The following BTN3A1 variants were observed in gnomAD, a reference collection of about 807,000 sequenced individuals.
BTN3A1 encodes butyrophilin subfamily 3 member A1.
BTN3A1 carries 24 observed loss-of-function variants against 43.0 expected under a neutral mutation model. The observed-to-expected ratio is 0.56, with a 90% CI of 0.40 to 0.78. The LOEUF (loss-of-function observed/expected upper bound fraction) is 0.78. BTN3A1 is among the 30% of genes least tolerant of loss of function. BTN3A1 has a pLI of 0.00. For synonymous variants in BTN3A1, 181 were observed against 234.7 expected (o/e 0.77, Z 2.09); for missense variants, 533 against 626.2 (o/e 0.85, Z 1.59).
At position 26,413,274 on chromosome 6, in the gene BTN3A1, C is replaced by G; in HGVS notation, c.1124C>G (p.Pro375Arg). The G allele has an allele frequency of 6.2e-7, 1 of 1,614,132 alleles. No individual in the cohort carries two copies. ...GAGCCCCAGGATCTGCCAGACAACC[C>G]TGAGAGATTTAATTGGCATTATTGT... The part of the protein sequence containing the change: ...AKEPQDLPDN[P>R]ERFNWHYCVL... Residue 375 changes from proline (P) to arginine (R), a missense_variant, in exon 10 of 10, where the codon CCT becomes CGT. Pro to Arg is a moderately radical substitution (Grantham distance 103). Transcript: ENST00000289361.
intron 9 of BTN3A1, chr6:26,412,809 T>C (rs1179502285): frequency 1.3e-6 from 2 of 1,550,138 alleles, no homozygotes; most frequent in Admixed American, 2.0e-5. Context: ...AGTGGTCGAA[T>C]GAAGGTTGAA....
chr6:26,413,516 C>T lies in BTN3A1; in HGVS notation c.1366C>T (p.Pro456Ser), dbSNP rs4712990. ...CAGAACCAACCTGAAACTTCCTAAG[C>T]CCCCTAAGAAAGTGGGGGTCTTCCT... The part of the protein sequence containing the change: ...EPRTNLKLPK[P>S]PKKVGVFLDY... The change falls in exon 10 of 10, where the codon CCC becomes TCC. Residue 456 changes from proline (P) to serine (S), a missense_variant. By Grantham distance (74) the Pro-to-Ser change is moderately conservative (BLOSUM62 -1). Around this residue, in one of 4 missense-constraint regions of BTN3A1, gnomAD observed 415 missense variants for 427.0 expected, o/e 0.97. Transcript: ENST00000289361. The T allele has an allele frequency of 1.3e-5, 21 of 1,613,774 alleles. No homozygotes were observed. In the African/African-American group the frequency reaches 1.7e-4, roughly 13 times the overall value.
chr6:26,406,959 A>C (rs924727885), intron 3 of BTN3A1, among the ~76,000 whole-genome samples: 2 of 152,172 alleles, frequency 1.3e-5, no homozygotes, highest in Admixed American at 6.5e-5. Context: ...GGTGAGACTA[A>C]AGCTGTAATT....
chr6:26,404,521 G>A (rs188429032), intron 1 of BTN3A1: 1 of 152,258 alleles, frequency 6.6e-6, no homozygotes. Flanking sequence ...TGATCACTTA[G>A]TGTGTCTCCG....
In BTN3A1 at chr6:26,407,808, G is replaced by C; in HGVS notation, c.571G>C (p.Glu191Gln). 1 of 1,614,218 alleles carries C rather than the reference G, an allele frequency of 6.2e-7. No homozygotes were observed. Among genetic ancestry groups the C allele is most frequent in the Non-Finnish European group, 8.5e-7 (1 of 1,180,042 alleles). The change falls in exon 4 of 10, where the codon GAA becomes CAA. Residue 191 changes from glutamate (E) to glutamine (Q), a missense_variant. This residue lies in a region of BTN3A1 where 415 missense variants were observed against 427.0 expected (regional missense o/e 0.97). Transcript: ENST00000289361. ...NNKGENIPTV[E>Q]APVVADGVGL... Reference sequence around the variant, plus strand: ...CAAGGGAGAGAACATCCCGACTGTGGAAGCACCTGTGGTTGCAGACGGAGT... The same window carrying C: ...CAAGGGAGAGAACATCCCGACTGTGCAAGCACCTGTGGTTGCAGACGGAGT...
Position 26,413,889 on chromosome 6 carries a change from C to G in BTN3A1, c.*197C>G. ...ACAACCATAAAGCTACAAGCACGCA[C>G]TGAAGCACTTTACTGATACTCATTC... On this transcript the variant is annotated 3_prime_UTR_variant, in exon 10 of 10. Coordinates refer to ENST00000289361, the MANE Select transcript of BTN3A1 (RefSeq NM_007048.6). 2 of 967,260 alleles carry G rather than the reference C, an allele frequency of 2.1e-6. No individual in the cohort carries two copies. Among genetic ancestry groups the G allele is most frequent in the South Asian group, 3.0e-5 (2 of 66,420 alleles). 59.9% of individuals were successfully genotyped at this position (967,260 alleles called of 1,614,324 possible).
chr6:26,404,024 G>T (rs1761934354), intron 1 of BTN3A1: 2 of 152,208 alleles, frequency 1.3e-5, no homozygotes, highest in Admixed American at 1.3e-4. Flanking sequence ...GTGGTGAAAT[G>T]CATTGTTTAC....
chr6:26,412,431 C>A (rs1316603805), intron 9 of BTN3A1: 12 of 1,312,490 alleles, frequency 9.1e-6, no homozygotes, highest in Admixed American at 2.0e-5. Flanking sequence ...TTGGCCAAAC[C>A]CAACAGCAAA....
At chr6:26,410,918 A>G (rs943354777) in intron 7 of BTN3A1, among the ~76,000 whole-genome samples, 191 bp from the exon 8 acceptor site, 35 of 149,402 alleles carry the variant, frequency 2.3e-4, no homozygotes, top group East Asian at 3.9e-4. Context: ...TGTCACTAGC[A>G]TTCGACTGAT....
intron 8 of BTN3A1, 26 bp from the exon 9 acceptor site, chr6:26,411,529 C>A (rs1315516387): frequency 6.2e-7 from 1 of 1,611,598 alleles, no homozygotes; most frequent in Admixed American, 1.7e-5. Context: ...CTGACCTTTT[C>A]CTTATCTGTG....
At chr6:26,412,958 A>G (rs1277012181) in intron 9 of BTN3A1, 94 of 1,457,638 alleles carry the variant, frequency 6.4e-5, no homozygotes, top group Non-Finnish European at 8.4e-5. Flanking sequence ...GGCAACCCTC[A>G]TTTCACCCTC....
intron 4 of BTN3A1, 57 bp downstream of exon 4, chr6:26,408,009 G>A: frequency 1.9e-6 from 3 of 1,598,386 alleles, no homozygotes; most frequent in Non-Finnish European, 2.6e-6. Context: ...TTGAATGAAG[G>A]GGGAGGTGTT....
chr6:26,413,370 G>A lies in BTN3A1; in HGVS notation c.1220G>A (p.Trp407Ter). 1 of 1,614,124 alleles carries A rather than the reference G, an allele frequency of 6.2e-7. No homozygotes were observed. Among genetic ancestry groups the A allele is most frequent in the Non-Finnish European group, 8.5e-7 (1 of 1,180,034 alleles). ...WEVEVGDRKEWHIGVCSKNVQ... is the reference protein window; with the variant it reads ...WEVEVGDRKE ...GTGGAGGTAGGGGACAGGAAAGAGT[G>A]GCATATAGGGGTGTGCAGTAAGAAT... Residue 407 changes from tryptophan (W) to a stop codon, truncating the protein, a stop_gained, in exon 10 of 10, where the codon TGG (tryptophan) becomes TAG (stop). Transcript: ENST00000289361. LOFTEE classifies it low-confidence loss of function (END_TRUNC).
chr6:26,411,191 A>G, intron 8 of BTN3A1, 56 bp downstream of exon 8: 1 of 1,576,878 alleles, frequency 6.3e-7, no homozygotes, highest in Admixed American at 1.8e-5. Flanking sequence ...GAACATTTCA[A>G]CCTTTTCTCT....
In BTN3A1 at chr6:26,407,896, G is replaced by C; in HGVS notation, c.659G>C (p.Cys220Ser). 6.2e-7 allele frequency: 1 copy of C among 1,614,224 alleles called. No homozygotes were observed. Among genetic ancestry groups the C allele is most frequent in the Admixed American group, 1.7e-5 (1 of 60,030 alleles). ...MRGSSGEGVS[C>S]TIRSSLLGLE... ...GGCAGCTCTGGGGAGGGTGTATCCT[G>C]TACCATCAGAAGTTCCCTCCTCGGC... Residue 220 changes from cysteine to serine, a missense_variant, in exon 4 of 10, where the codon TGT becomes TCT. Around this residue, in one of 4 missense-constraint regions of BTN3A1, gnomAD observed 415 missense variants for 427.0 expected, o/e 0.97. Transcript: ENST00000289361.
intron 7 of BTN3A1, among the ~76,000 whole-genome samples, chr6:26,410,862 A>C (rs1292167838): frequency 2.0e-5 from 3 of 151,546 alleles, no homozygotes; most frequent in African/African-American, 7.3e-5. Context: ...CATTCCAAAT[A>C]GATCAGCTGA....
intron 7 of BTN3A1, among the ~76,000 whole-genome samples, chr6:26,410,896 C>T (rs1363102646): frequency 1.3e-5 from 2 of 149,750 alleles, no homozygotes; most frequent in East Asian, 3.9e-4. Flanking sequence ...GGAACTCTCG[C>T]AATGTCTGCC....
intron 9 of BTN3A1, chr6:26,412,758 G>A (rs1258277426): frequency 1.5e-5 from 24 of 1,551,278 alleles, no homozygotes; most frequent in Non-Finnish European, 2.1e-5. Flanking sequence ...TGGATGTATG[G>A]AAAAATAGAC....
Position 26,413,158 on chromosome 6 carries a change from ACT to A in BTN3A1, c.1019-6_1019-5del, listed in dbSNP as rs766714812. 66 of 1,602,882 alleles carry A rather than the reference ACT, an allele frequency of 4.1e-5. No homozygotes were observed. The African/African-American group carries it at 6.7e-4, about 16-fold the overall frequency. On this transcript the variant is annotated splice_polypyrimidine_tract_variant and intron_variant, in intron 9 of 9. Coordinates refer to ENST00000289361, the MANE Select transcript of BTN3A1 (RefSeq NM_007048.6). ...GTTGACCTCATGGACACTTCCTCAA[ACT>A]CTCTGCAGCGGATGTGATTCTGGAT...
Sources: allele counts gnomAD v4.1 joint callset (sites outside exome capture counted in the v4.1 genomes callset), GRCh38; gene constraint gnomAD v4.1.1; regional missense constraint gnomAD v4.1.1; transcripts MANE v1.5; gene names NCBI Gene and HGNC (gene_info 2026-07-23, HGNC 2026-07-21).